Variants in ITGB6 observed in about 807,000 individuals in gnomAD.
The protein encoded by ITGB6 is integrin beta-6.
ITGB6 carries 80 observed loss-of-function variants against 84.5 expected under a neutral mutation model. The observed-to-expected ratio is 0.95, with a 90% confidence interval of 0.79 to 1.14. ITGB6 has a LOEUF of 1.14. ITGB6 is among the 50% of genes most tolerant of loss of function. The pLI is 0.00. For missense variants in ITGB6, 1,006 were observed against 968.0 expected, an observed-to-expected ratio of 1.04 and a Z score of -0.52; for synonymous variants, 383 against 354.9, an observed-to-expected ratio of 1.08 and a Z score of -0.89.
intron 7 of ITGB6, among the ~76,000 whole-genome samples, chr2:160,161,086 A>G (rs575628841): frequency 6.6e-6 from 1 of 152,314 alleles, no homozygotes; most frequent in East Asian, 1.9e-4. Context: ...TGTAAAAGTA[A>G]CCCAGGAGGT....
At chr2:160,180,751 A>T (rs79079445) in intron 4 of ITGB6, among the ~76,000 whole-genome samples, 4,755 of 152,288 alleles carry the variant, frequency 0.031, 199 homozygotes, top group African/African-American at 0.1. Flanking sequence ...AGATCAACGC[A>T]GAAGGCAGGT....
At chr2:160,139,262 T>G (rs1276917226) in intron 8 of ITGB6, among the ~76,000 whole-genome samples, 3 of 152,230 alleles carry the variant, frequency 2.0e-5, no homozygotes, top group African/African-American at 7.2e-5. Flanking sequence ...TCCAAAAGTT[T>G]TAAGTCCACA....
intron 7 of ITGB6, among the ~76,000 whole-genome samples, chr2:160,155,782 A>G (rs950943202): frequency 6.6e-6 from 1 of 152,222 alleles, no homozygotes; most frequent in Admixed American, 6.5e-5. Context: ...CAAGAAGAAG[A>G]CATCTTAATC....
intron 8 of ITGB6, 66 bp from the exon 9 acceptor site, chr2:160,138,265 C>T (rs1376167450): frequency 6.3e-6 from 9 of 1,431,418 alleles, no homozygotes; most frequent in East Asian, 2.4e-5. Context: ...AAGAAGAAAC[C>T]GTGAATCATG....
chr2:160,116,821 C>T (rs1397821144), intron 12 of ITGB6, among the ~76,000 whole-genome samples: 3 of 151,854 alleles, frequency 2.0e-5, no homozygotes, highest in Non-Finnish European at 2.9e-5. Flanking sequence ...GGAGGAAGAT[C>T]TACCAAGCAA....
intron 6 of ITGB6, among the ~76,000 whole-genome samples, chr2:160,171,360 A>G (rs1371168579): frequency 2.6e-4 from 33 of 128,854 alleles, no homozygotes; most frequent in African/African-American, 9.1e-4. Context: ...TTGGAGACGG[A>G]GTCTCGCTCT....
intron 3 of ITGB6, 102 bp from the exon 4 acceptor site, chr2:160,195,717 C>T: frequency 7.8e-7 from 1 of 1,277,666 alleles, no homozygotes; most frequent in Non-Finnish European, 1.1e-6. Flanking sequence ...TCAATAAGAA[C>T]TTACTGAAAT....
At chr2:160,188,430 C>A (rs1685991511) in intron 4 of ITGB6, among the ~76,000 whole-genome samples, 2 of 152,004 alleles carry the variant, frequency 1.3e-5, no homozygotes, top group Non-Finnish European at 2.9e-5. Context: ...CATATTGAAC[C>A]TTTTAAGAGA....
chr2:160,123,309 G>A (rs1025818808), intron 12 of ITGB6, among the ~76,000 whole-genome samples: 1 of 152,268 alleles, frequency 6.6e-6, no homozygotes, highest in South Asian at 2.1e-4. Flanking sequence ...GGGAATAAAA[G>A]TATATGGAGG....
intron 7 of ITGB6, among the ~76,000 whole-genome samples, chr2:160,150,863 A>T (rs2105838060): frequency 6.6e-6 from 1 of 152,326 alleles, no homozygotes; most frequent in East Asian, 1.9e-4. Flanking sequence ...AAAGAAGGCC[A>T]TTACATAATG....
chr2:160,136,163 A>G (rs963784153), intron 10 of ITGB6, among the ~76,000 whole-genome samples: 38 of 152,342 alleles, frequency 2.5e-4, no homozygotes, highest in Admixed American at 1.8e-3. Context: ...CATCTGACAA[A>G]GGGCTAACAT....
rs184959450 is a variant in ITGB6, at chr2:160,151,470, C to G, written c.1018-9399G>C. 2.2e-3 allele frequency among the ~76,000 whole-genome samples: 334 copies of G among 152,274 alleles called. 7 individuals carry two copies. Among genetic ancestry groups the G allele is most frequent in the Admixed American group, 0.021 (323 of 15,290 alleles). On this transcript the variant is annotated intron_variant, in intron 7 of 14. Coordinates refer to ENST00000283249, the MANE Select transcript of ITGB6 (RefSeq NM_000888.5). ...AGTGTGTAGAGGGAAATTTATAGCACTAAAAGCCCTCAAGAGAAAGCAGGA... is the reference window on the plus strand; with the variant it reads ...AGTGTGTAGAGGGAAATTTATAGCAGTAAAAGCCCTCAAGAGAAAGCAGGA...
intron 7 of ITGB6, among the ~76,000 whole-genome samples, chr2:160,166,185 T>C (rs1240307483): frequency 5.3e-5 from 8 of 152,190 alleles, no homozygotes; most frequent in Non-Finnish European, 8.8e-5. Context: ...TTTAGAAACA[T>C]TGCTTTGTGC....
chr2:160,110,786 A>G (rs957640191), intron 13 of ITGB6, among the ~76,000 whole-genome samples: 1 of 152,118 alleles, frequency 6.6e-6, no homozygotes, highest in South Asian at 2.1e-4. Flanking sequence ...TTCTAGTCTG[A>G]AAGCTGTGAG....
At position 160,134,794 on chromosome 2, in the gene ITGB6, A is replaced by G. The variant is rs149531503; in HGVS notation, c.1660+2640T>C. ...GTAATCTAGCATATAAACAGAACCA[A>G]TGGCAAAACCACATCATTATCTCAA... On this transcript the variant is annotated intron_variant, in intron 10 of 14. Coordinates refer to ENST00000283249, the MANE Select transcript of ITGB6 (RefSeq NM_000888.5). 8.5e-4 allele frequency among the ~76,000 whole-genome samples: 130 copies of G among 152,370 alleles called. 2 individuals carry two copies. The East Asian group carries it at 0.024, about 28-fold the overall frequency.
chr2:160,182,391 T>C (rs771052715), intron 4 of ITGB6, among the ~76,000 whole-genome samples: 11 of 152,036 alleles, frequency 7.2e-5, no homozygotes, highest in Non-Finnish European at 1.2e-4. Flanking sequence ...AGAAAGGATA[T>C]CAGAGATTGA....
At chr2:160,185,895 G>A (rs1380990253) in intron 4 of ITGB6, among the ~76,000 whole-genome samples, 1 of 152,164 alleles carries the variant, frequency 6.6e-6, no homozygotes, top group Non-Finnish European at 1.5e-5. Flanking sequence ...TTAATAAATG[G>A]TGTTGGGAAA....
intron 8 of ITGB6, among the ~76,000 whole-genome samples, chr2:160,140,125 T>A (rs912795375): frequency 6.6e-6 from 1 of 152,222 alleles, no homozygotes; most frequent in Non-Finnish European, 1.5e-5. Flanking sequence ...TCCCATATTT[T>A]AAATTCTTTT....
intron 10 of ITGB6, among the ~76,000 whole-genome samples, chr2:160,134,460 A>G (rs1475174428): frequency 2.0e-4 from 30 of 152,282 alleles, no homozygotes; most frequent in East Asian, 1.4e-3. Context: ...ATTCACAGCC[A>G]AATTCTACCA....
Sources: gnomAD v4.1 joint callset for allele counts (sites outside exome capture counted in the v4.1 genomes callset) on GRCh38, gnomAD v4.1.1 for gene constraint, MANE v1.5 for transcripts, NCBI Gene and HGNC (gene_info 2026-07-23, HGNC 2026-07-21) for gene names.